Variants in PRKN observed in about 807,000 individuals in gnomAD.
The protein encoded by PRKN is E3 ubiquitin-protein ligase parkin.
A neutral mutation model predicts 59.5 loss-of-function variants in PRKN; 56 were observed. The ratio of observed to expected loss-of-function variants is 0.94; its 90% CI spans 0.76 to 1.18. The LOEUF (loss-of-function observed/expected upper bound fraction) is 1.18, where lower values mean the gene tolerates loss of function less well. Among genes scored for constraint, PRKN ranks in the 50% most tolerant of loss-of-function variants. The pLI, the probability that PRKN is intolerant of heterozygous loss-of-function variation, is 0.00. For synonymous variants in PRKN, 250 were observed against 222.1 expected (o/e 1.13, Z -1.12); for missense variants, 657 against 596.4 (o/e 1.10, Z -1.06).
Position 161,978,016 on chromosome 6 carries a change from G to GTATTTTATTT in PRKN, c.619-4609_619-4600dup, listed in dbSNP as rs141793186. 5.9e-3 allele frequency among the ~76,000 whole-genome samples: 875 copies of GTATTTTATTT among 148,564 alleles called. 12 individuals are homozygous for GTATTTTATTT. Among genetic ancestry groups the GTATTTTATTT allele is most frequent in the African/African-American group, 0.021 (823 of 38,736 alleles). ...CAGGCTAATTTGCAGTTATTTTATT[G>GTATTTTATTT]TATTTTATTTTATTGTATTTTATTT... is the stretch of plus-strand genomic sequence containing the variant. On this transcript the variant is annotated intron_variant, in intron 5 of 11. Transcript: ENST00000366898.
intron 1 of PRKN, among the ~76,000 whole-genome samples, chr6:162,683,263 T>C (rs1164420164): frequency 1.3e-5 from 2 of 152,140 alleles, no homozygotes; most frequent in Non-Finnish European, 2.9e-5. Context: ...ATTCAAACTT[T>C]AGTTCCTCAG....
chr6:162,159,069 C>T (rs1782648386), intron 4 of PRKN, among the ~76,000 whole-genome samples: 1 of 152,024 alleles, frequency 6.6e-6, no homozygotes, highest in Non-Finnish European at 1.5e-5. Flanking sequence ...TGTCCTCCCA[C>T]ACTCACCCTT....
chr6:162,713,411 G>A (rs928402799), intron 1 of PRKN, among the ~76,000 whole-genome samples: 1 of 148,666 alleles, frequency 6.7e-6, no homozygotes, highest in African/African-American at 2.5e-5. Context: ...GGAGAATGGC[G>A]TGAACCCAGG....
chr6:162,129,948 T>C (rs1781279776), intron 4 of PRKN, among the ~76,000 whole-genome samples: 2 of 152,112 alleles, frequency 1.3e-5, no homozygotes, highest in Admixed American at 1.3e-4. Context: ...TATGTACTAA[T>C]TAAAGTAAGA....
intron 5 of PRKN, among the ~76,000 whole-genome samples, chr6:162,020,383 A>AATGATGT: frequency 6.6e-6 from 1 of 151,966 alleles, no homozygotes; most frequent in Admixed American, 6.6e-5. Context: ...GAAACATACA[A>AATGATGT]ATGATGTCTG....
intron 1 of PRKN, among the ~76,000 whole-genome samples, chr6:162,609,046 C>A (rs1225819262): frequency 6.6e-6 from 1 of 152,148 alleles, no homozygotes; most frequent in Non-Finnish European, 1.5e-5. Context: ...TGGTTCTGCA[C>A]CACCATCTCA....
chr6:161,504,205 C>A (rs1159447863), intron 9 of PRKN, among the ~76,000 whole-genome samples: 1 of 152,154 alleles, frequency 6.6e-6, no homozygotes, highest in Non-Finnish European at 1.5e-5. Context: ...ATGGGCTGAA[C>A]CGAACCACAA....
chr6:161,757,873 G>A (rs1313428094), intron 7 of PRKN, among the ~76,000 whole-genome samples: 4 of 14,652 alleles, frequency 2.7e-4, no homozygotes, highest in Non-Finnish European at 3.9e-4. Flanking sequence ...CTCTCTCTCT[G>A]TGTATATATA....
At chr6:161,937,291 T>C (rs558240598) in intron 6 of PRKN, among the ~76,000 whole-genome samples, 1 of 152,182 alleles carries the variant, frequency 6.6e-6, no homozygotes, top group South Asian at 2.1e-4. Context: ...TTTAATTCCA[T>C]TTTTTTTCCA....
chr6:161,988,327 A>C (rs1781512238), intron 5 of PRKN, among the ~76,000 whole-genome samples: 1 of 152,032 alleles, frequency 6.6e-6, no homozygotes, highest in Admixed American at 6.6e-5. Context: ...TCTCTACTAA[A>C]AATACAAAAA....
chr6:161,573,457 A>T (rs1780972238), intron 7 of PRKN, among the ~76,000 whole-genome samples: 1 of 151,754 alleles, frequency 6.6e-6, no homozygotes, highest in Non-Finnish European at 1.5e-5. Flanking sequence ...GCGGTGGTTC[A>T]CGCCTGTAAT....
chr6:162,550,761 T>C (rs1779303713), intron 1 of PRKN, among the ~76,000 whole-genome samples: 1 of 152,216 alleles, frequency 6.6e-6, no homozygotes, highest in South Asian at 2.1e-4. Flanking sequence ...TACAAAGATG[T>C]AGAAGGAAGA....
intron 7 of PRKN, among the ~76,000 whole-genome samples, chr6:161,612,185 A>G (rs1782512608): frequency 6.6e-6 from 1 of 152,200 alleles, no homozygotes; most frequent in Non-Finnish European, 1.5e-5. Flanking sequence ...TGATATAGAA[A>G]CCGCAGCAAG....
At position 161,568,428 on chromosome 6, in the gene PRKN, C is replaced by A. The variant is rs1780734568; in HGVS notation, c.933+927G>T. Among the ~76,000 whole-genome samples the A allele has an allele frequency of 3.9e-5, 6 of 151,960 alleles. No individual in the cohort carries two copies. In the South Asian group the frequency reaches 1.2e-3, roughly 32 times the overall value. On this transcript the variant is annotated intron_variant, in intron 8 of 11. Coordinates refer to ENST00000366898, the MANE Select transcript of PRKN (RefSeq NM_004562.3). ...CTAACACGGTGAAACTCCGTCTCTA[C>A]CAAAAATATAAAAAATTAGCTGGGT...
chr6:161,806,790 T>C (rs986637356), intron 6 of PRKN, among the ~76,000 whole-genome samples: 1 of 152,150 alleles, frequency 6.6e-6, no homozygotes, highest in Non-Finnish European at 1.5e-5. Flanking sequence ...TGTTTAGAAA[T>C]AGAAAACACA....
intron 4 of PRKN, among the ~76,000 whole-genome samples, chr6:162,200,601 C>T (rs1784685073): frequency 6.6e-6 from 1 of 152,178 alleles, no homozygotes; most frequent in African/African-American, 2.4e-5. Context: ...CAAGCAGTGG[C>T]CACAGCAGAC....
rs1226369124 is a variant in PRKN at position 161,488,796 on chromosome 6, T to C, written c.1083+60058A>G. Among the ~76,000 whole-genome samples, 1 of 152,134 alleles carries C rather than the reference T, an allele frequency of 6.6e-6. No individual in the cohort carries two copies. Among genetic ancestry groups the C allele is most frequent in the Non-Finnish European group, 1.5e-5 (1 of 68,032 alleles). ...CACCACACCTGGCATAACAAGGAAT[T>C]TTTGACAGTGAATCTTGACTACTAA... On this transcript the variant is annotated intron_variant, in intron 9 of 11. Transcript: ENST00000366898. This position sits in a 1 kb window ranked among gnomAD's most constrained non-coding sequence, Gnocchi z 4.5.
At chr6:162,521,069 A>T (rs1778064255) in intron 1 of PRKN, among the ~76,000 whole-genome samples, 1 of 152,202 alleles carries the variant, frequency 6.6e-6, no homozygotes, top group South Asian at 2.1e-4. Context: ...TATTTAAGAA[A>T]GGGCCTTAAT....
At chr6:161,981,109 C>G (rs1466624803) in intron 5 of PRKN, among the ~76,000 whole-genome samples, 2 of 152,200 alleles carry the variant, frequency 1.3e-5, no homozygotes, top group African/African-American at 4.8e-5. Context: ...TATCTTACAT[C>G]TATATCAGAA....
Sources: allele counts gnomAD v4.1 joint callset (sites outside exome capture counted in the v4.1 genomes callset), GRCh38; gene constraint gnomAD v4.1.1; non-coding constraint Gnocchi (gnomAD v3.1); transcripts MANE v1.5; gene names NCBI Gene and HGNC (gene_info 2026-07-23, HGNC 2026-07-21).